The following DCBLD2 variants were observed in gnomAD, a reference collection of about 807,000 sequenced individuals.
The protein encoded by DCBLD2 is discoidin, CUB and LCCL domain-containing protein 2.
DCBLD2 carries 54 observed loss-of-function variants against 86.8 expected under a neutral mutation model. That is an observed-to-expected ratio of 0.62 (90% CI 0.50 to 0.78). The LOEUF (loss-of-function observed/expected upper bound fraction) is 0.78, where lower values mean the gene tolerates loss of function less well. DCBLD2 is among the 30% of genes least tolerant of loss of function. The pLI is 0.00. For synonymous variants in DCBLD2, 354 were observed against 341.3 expected (o/e 1.04, Z -0.41); for missense variants, 908 against 954.2 (o/e 0.95, Z 0.64).
chr3:98,874,248 G>A (rs966100057), intron 2 of DCBLD2, among the ~76,000 whole-genome samples: 3 of 152,060 alleles, frequency 2.0e-5, no homozygotes, highest in African/African-American at 7.2e-5. Context: ...TGTATGTATA[G>A]TATCAATACC....
chr3:98,865,990 G>A lies in DCBLD2; in HGVS notation c.433+15550C>T, dbSNP rs180827989. Among the ~76,000 whole-genome samples the A allele has an allele frequency of 5.1e-3, 770 of 152,018 alleles. 3 individuals are homozygous for A. Among genetic ancestry groups the A allele is most frequent in the Middle Eastern group, 6.8e-3 (2 of 294 alleles). On this transcript the variant is annotated intron_variant, in intron 2 of 15. Coordinates refer to ENST00000326840, the MANE Select transcript of DCBLD2 (RefSeq NM_080927.4). ...TTTTTTGTCCTTGTGATAGTTTGCT[G>A]AGAATGATGGTTTCCAGCTTCATCC...
intron 3 of DCBLD2, among the ~76,000 whole-genome samples, chr3:98,835,913 T>C (rs1228857356): frequency 9.0e-6 from 1 of 111,312 alleles, no homozygotes; most frequent in East Asian, 2.7e-4. Flanking sequence ...TTTCTTTCTT[T>C]CTTTCTTTCT....
chr3:98,822,403 TTAA>T, intron 5 of DCBLD2, 42 bp from the exon 6 acceptor site: 2 of 1,587,846 alleles, frequency 1.3e-6, no homozygotes, highest in Non-Finnish European at 1.7e-6. Flanking sequence ...TAATTTTCTC[TTAA>T]TAATTCATAA....
intron 2 of DCBLD2, among the ~76,000 whole-genome samples, chr3:98,876,740 T>C (rs1238733642): frequency 6.6e-6 from 1 of 152,166 alleles, no homozygotes; most frequent in African/African-American, 2.4e-5. Flanking sequence ...TTTGTAACTG[T>C]AAAATATTGA....
intron 2 of DCBLD2, among the ~76,000 whole-genome samples, chr3:98,852,871 A>G (rs1245940194): frequency 7.7e-6 from 1 of 129,252 alleles, no homozygotes; most frequent in Non-Finnish European, 1.7e-5. Flanking sequence ...GAATTCTACC[A>G]ACAACTAGTA....
chr3:98,799,369 T>C lies in DCBLD2; in HGVS notation c.*3A>G. 6.3e-7 allele frequency: 1 copy of C among 1,596,344 alleles called. No individual in the cohort carries two copies. The highest frequency in any genetic ancestry group is 8.5e-7 in the Non-Finnish European group (1 of 1,170,502). On this transcript the variant is annotated 3_prime_UTR_variant, in exon 16 of 16. Transcript: ENST00000326840. ...CGATGCTTTGTAAAAAGCAGCATCATCTTCAAAGGATTTCTTTAAAAACAT... is the reference window on the plus strand; with the variant it reads ...CGATGCTTTGTAAAAAGCAGCATCACCTTCAAAGGATTTCTTTAAAAACAT...
rs150953779 is a variant in DCBLD2 at position 98,856,676 on chromosome 3, A to G, written c.434-7078T>C. 7.2e-5 allele frequency among the ~76,000 whole-genome samples: 11 copies of G among 152,304 alleles called. No homozygotes were observed. In the East Asian group the frequency reaches 1.7e-3, roughly 24 times the overall value. On this transcript the variant is annotated intron_variant, in intron 2 of 15. Transcript: ENST00000326840. Reference sequence around the variant, plus strand: ...ATCTTGAAGCATAAATTCAGAAACTAGGGGCAGAAATGGACAAAAAAAGCA... The same window carrying G: ...ATCTTGAAGCATAAATTCAGAAACTGGGGGCAGAAATGGACAAAAAAAGCA...
At chr3:98,835,523 C>T (rs1310615266) in intron 3 of DCBLD2, among the ~76,000 whole-genome samples, 1 of 148,506 alleles carries the variant, frequency 6.7e-6, no homozygotes, top group Admixed American at 6.7e-5. Flanking sequence ...CTTATCCATC[C>T]TCTCACTCCG....
intron 3 of DCBLD2, among the ~76,000 whole-genome samples, chr3:98,840,174 A>G (rs1942595036): frequency 1.3e-5 from 2 of 152,214 alleles, no homozygotes. Context: ...AAACAGCAAA[A>G]ACAAAGGTAA....
chr3:98,867,400 C>A (rs1943171679), intron 2 of DCBLD2, among the ~76,000 whole-genome samples: 1 of 152,122 alleles, frequency 6.6e-6, no homozygotes, highest in Non-Finnish European at 1.5e-5. Context: ...TTGTAGTTCT[C>A]CTTGAAGAGG....
intron 2 of DCBLD2, among the ~76,000 whole-genome samples, chr3:98,857,743 C>G (rs1942962029): frequency 6.6e-6 from 1 of 151,510 alleles, no homozygotes; most frequent in Non-Finnish European, 1.5e-5. Flanking sequence ...TAGCTAGATA[C>G]AGTCGATTGG....
intron 3 of DCBLD2, among the ~76,000 whole-genome samples, chr3:98,845,059 T>C (rs1372370316): frequency 6.6e-6 from 1 of 152,170 alleles, no homozygotes; most frequent in African/African-American, 2.4e-5. Context: ...CTCATAGTTG[T>C]TGGAAGTCTT....
chr3:98,859,961 A>G (rs1348208529), intron 2 of DCBLD2, among the ~76,000 whole-genome samples: 1 of 152,228 alleles, frequency 6.6e-6, no homozygotes, highest in South Asian at 2.1e-4. Context: ...AACACAAAGA[A>G]GCTAAAAACC....
chr3:98,869,327 T>C (rs1057259999), intron 2 of DCBLD2, among the ~76,000 whole-genome samples: 2 of 152,252 alleles, frequency 1.3e-5, no homozygotes, highest in Admixed American at 6.5e-5. Flanking sequence ...TTCAGTTCCT[T>C]GTAGATTACG....
At chr3:98,839,132 C>T (rs34995499) in intron 3 of DCBLD2, among the ~76,000 whole-genome samples, 2,872 of 45,498 alleles carry the variant, frequency 0.063, 45 homozygotes, top group African/African-American at 0.1. Context: ...TCTTTCTTTC[C>T]TTCCTTCCTT....
At chr3:98,884,146 T>G (rs6805605) in intron 1 of DCBLD2, among the ~76,000 whole-genome samples, 19,002 of 152,096 alleles carry the variant, frequency 0.12, 1,283 homozygotes, top group Middle Eastern at 0.18. Context: ...ATATTAGTAT[T>G]GCTCCTTAGT....
At chr3:98,820,557 C>T (rs868355579) in intron 6 of DCBLD2, among the ~76,000 whole-genome samples, 1 of 152,152 alleles carries the variant, frequency 6.6e-6, no homozygotes, top group African/African-American at 2.4e-5. Flanking sequence ...TCTATGTAAT[C>T]TTTAATATGT....
At chr3:98,901,035 G>C (rs1943839053) in intron 1 of DCBLD2, 87 bp downstream of exon 1, 1 of 1,529,624 alleles carries the variant, frequency 6.5e-7, no homozygotes, top group Admixed American at 2.0e-5. Flanking sequence ...GCGCCTCCCT[G>C]CAGCGTCTGC....
At chr3:98,817,670 T>C in intron 9 of DCBLD2, 99 bp downstream of exon 9, 1 of 1,209,088 alleles carries the variant, frequency 8.3e-7, no homozygotes, top group Non-Finnish European at 1.2e-6. Flanking sequence ...GTATAAGACA[T>C]TCTAAACTTC....
Sources: allele counts gnomAD v4.1 joint callset (sites outside exome capture counted in the v4.1 genomes callset), GRCh38; gene constraint gnomAD v4.1.1; transcripts MANE v1.5; gene names NCBI Gene and HGNC (gene_info 2026-07-23, HGNC 2026-07-21).